Variants in C12orf50 observed in about 807,000 individuals in gnomAD.
C12orf50 encodes uncharacterized protein C12orf50.
Under a neutral mutation model 61.6 loss-of-function variants are expected in C12orf50, and 35 were observed. That is an observed-to-expected ratio of 0.57 (90% CI 0.43 to 0.75). The LOEUF (loss-of-function observed/expected upper bound fraction) is 0.75. Ranked by LOEUF, C12orf50 falls within the 30% of genes least tolerant of loss-of-function variation. The pLI, the probability that C12orf50 is intolerant of heterozygous loss-of-function variation, is 0.00. For synonymous variants in C12orf50, 178 were observed against 161.5 expected, an observed-to-expected ratio of 1.10 and a Z score of -0.77; for missense variants, 475 against 488.5, an observed-to-expected ratio of 0.97 and a Z score of 0.26.
At position 87,986,760 on chromosome 12, in the gene C12orf50, A is replaced by G. The variant is rs377438085; in HGVS notation, c.818-344T>C. On this transcript the variant is annotated intron_variant, in intron 9 of 12. Transcript: ENST00000298699. ...AATGCTATTGTTAAATAGTTTTAGA[A>G]CTCTTATTTTCAACATGAATTTTTT... is the stretch of plus-strand genomic sequence containing the variant. 4.7e-4 allele frequency among the ~76,000 whole-genome samples: 71 copies of G among 152,114 alleles called. 1 individual carries two copies. In the South Asian group the frequency reaches 0.015, roughly 31 times the overall value.
In C12orf50 at chr12:87,991,470, C is replaced by T. The variant is rs376540578; in HGVS notation, c.593-2099G>A. 2.8e-3 allele frequency among the ~76,000 whole-genome samples: 428 copies of T among 151,962 alleles called. 3 individuals are homozygous for T. The highest frequency in any genetic ancestry group is 0.019 in the South Asian group (92 of 4,802). On this transcript the variant is annotated intron_variant, in intron 7 of 12. Coordinates refer to ENST00000298699, the MANE Select transcript of C12orf50 (RefSeq NM_152589.3). ...AAATAGAAATTTAGAATTTAAAATA[C>T]GGATTAAAGAGCAGAGAGGAAGAGA... is the stretch of plus-strand genomic sequence containing the variant.
At chr12:87,999,140 T>G (rs2031547372) in intron 3 of C12orf50, among the ~76,000 whole-genome samples, 1 of 152,186 alleles carries the variant, frequency 6.6e-6, no homozygotes, top group African/African-American at 2.4e-5. Context: ...TCCCAGATTT[T>G]GCTGGAAAGC....
chr12:87,989,513 CATTT>C, intron 7 of C12orf50, 142 bp from the exon 8 acceptor site: 1 of 575,462 alleles, frequency 1.7e-6, no homozygotes, highest in East Asian at 2.9e-5. Context: ...CATCTCCATA[CATTT>C]ATATGCTTAG....
chr12:87,980,451 A>G, intron 12 of C12orf50, 95 bp from the exon 13 acceptor site: 1 of 1,094,330 alleles, frequency 9.1e-7, no homozygotes, highest in South Asian at 1.3e-5. Context: ...GTAAATCTAA[A>G]GGCAAAGAAA....
Position 87,989,745 on chromosome 12 carries a change from A to G in C12orf50, c.593-374T>C, listed in dbSNP as rs1022044091. Among the ~76,000 whole-genome samples, 2 of 152,026 alleles carry G rather than the reference A, an allele frequency of 1.3e-5. 1 individual carries two copies. The highest frequency in any genetic ancestry group is 4.1e-4 in the South Asian group (2 of 4,826). ...TTTCCATATTTCCCCAAGAACTTCT[A>G]TTTTCCAGGATAAATATCCATAGTT... On this transcript the variant is annotated intron_variant, in intron 7 of 12. Transcript: ENST00000298699.
intron 1 of C12orf50, chr12:88,028,998 T>C: frequency 3.5e-6 from 3 of 853,500 alleles, no homozygotes; most frequent in Non-Finnish European, 4.6e-6. Context: ...TACAAGTTAT[T>C]GCCATATCTC....
Position 87,986,010 on chromosome 12 carries a change from G to A in C12orf50, c.966C>T (p.Arg322=), listed in dbSNP as rs1330504605. The change falls in exon 11 of 13, where the codon CGC becomes CGT. Residue 322 remains arginine, a synonymous_variant. Coordinates refer to ENST00000298699, the MANE Select transcript of C12orf50 (RefSeq NM_152589.3). ...PRPQNKMSYH[R]NNKNRNAENA... is the part of the protein sequence containing the mutation. The stretch of plus-strand genomic sequence containing the variant: ...TCTCCGCATTTCGATTTTTATTATT[G>A]CGGTGATAACTCATTTTATTTTGGG... The A allele has an allele frequency of 6.2e-7, 1 of 1,613,808 alleles. No individual in the cohort carries two copies. The highest frequency in any genetic ancestry group is 1.1e-5 in the South Asian group (1 of 91,078).
At chr12:88,015,116 G>A (rs1410402927) in intron 3 of C12orf50, among the ~76,000 whole-genome samples, 2 of 151,872 alleles carry the variant, frequency 1.3e-5, no homozygotes, top group South Asian at 2.1e-4. Context: ...GATGTGCTAT[G>A]GCATTTTCTT....
chr12:88,012,782 G>A (rs541730874), intron 3 of C12orf50, among the ~76,000 whole-genome samples: 3 of 152,234 alleles, frequency 2.0e-5, no homozygotes, highest in African/African-American at 7.2e-5. Context: ...ATATGACATG[G>A]GGAAGGGTGC....
At chr12:87,991,008 A>G (rs1221907280) in intron 7 of C12orf50, among the ~76,000 whole-genome samples, 1 of 152,122 alleles carries the variant, frequency 6.6e-6, no homozygotes, top group Non-Finnish European at 1.5e-5. Context: ...GAGTAGAGGT[A>G]TCTTGGTGAA....
At chr12:88,018,680 C>T (rs748518414) in intron 3 of C12orf50, among the ~76,000 whole-genome samples, 19 of 152,206 alleles carry the variant, frequency 1.2e-4, no homozygotes, top group Non-Finnish European at 2.5e-4. Flanking sequence ...CCTGCAAAGC[C>T]ACAGGGGCAG....
intron 3 of C12orf50, among the ~76,000 whole-genome samples, chr12:88,017,737 G>C (rs1355401159): frequency 6.6e-6 from 1 of 152,220 alleles, no homozygotes; most frequent in Admixed American, 6.5e-5. Flanking sequence ...TTCTCAGTTA[G>C]AGATGAGGAA....
intron 4 of C12orf50, among the ~76,000 whole-genome samples, chr12:87,996,881 T>C (rs903641539): frequency 2.0e-5 from 3 of 152,212 alleles, no homozygotes; most frequent in Non-Finnish European, 4.4e-5. Flanking sequence ...AATGAGACGC[T>C]GAATGTACAG....
chr12:88,026,703 A>C lies in C12orf50; in HGVS notation c.13-95T>G, dbSNP rs1021846578. On this transcript the variant is annotated intron_variant, in intron 2 of 12. Transcript: ENST00000298699. Reference sequence around the variant, plus strand: ...AATACAGCACAAGGACACAAAAACAATTATAGTTAACTGATTTAGGATCAT... The same window carrying C: ...AATACAGCACAAGGACACAAAAACACTTATAGTTAACTGATTTAGGATCAT... The C allele has an allele frequency of 2.7e-6, 4 of 1,470,154 alleles. No individual in the cohort carries two copies. The South Asian group carries it at 5.2e-5, about 19-fold the overall frequency. The allele number at this position is 1,470,154 out of a possible 1,614,324, so 91.1% of individuals were successfully genotyped here. A position where few individuals can be genotyped will look rare whatever the true frequency, so the allele number is the denominator to read the frequency against.
At chr12:88,002,075 T>C (rs2031676636) in intron 3 of C12orf50, among the ~76,000 whole-genome samples, 1 of 151,830 alleles carries the variant, frequency 6.6e-6, no homozygotes, top group Non-Finnish European at 1.5e-5. Flanking sequence ...TCCAGTGTCT[T>C]AAGGTATAAG....
intron 3 of C12orf50, among the ~76,000 whole-genome samples, chr12:88,015,234 AGTGT>A: frequency 6.6e-6 from 1 of 152,306 alleles, no homozygotes; most frequent in East Asian, 1.9e-4. Flanking sequence ...CACAAAAATT[AGTGT>A]GTGTGTACTG....
chr12:87,989,309 T>G lies in C12orf50; in HGVS notation c.655A>C (p.Thr219Pro). The change falls in exon 8 of 13, where the codon ACT (threonine) becomes CCT (proline). Residue 219 changes from threonine to proline, a missense_variant. Physicochemically the swap from Thr to Pro is conservative, Grantham distance 38. Coordinates refer to ENST00000298699, the MANE Select transcript of C12orf50 (RefSeq NM_152589.3). Reference protein sequence around the residue: ...FLGVDESEALTEEKEITISKC... With the variant: ...FLGVDESEALPEEKEITISKC... Reference sequence around the variant, plus strand: ...GATATGGTGATTTCTTTCTCTTCAGTTAAAGCTTCACTTTCATCGACTCCA... The same window carrying G: ...GATATGGTGATTTCTTTCTCTTCAGGTAAAGCTTCACTTTCATCGACTCCA... The G allele has an allele frequency of 6.2e-7, 1 of 1,611,844 alleles. No individual in the cohort carries two copies. Among genetic ancestry groups the G allele is most frequent in the African/African-American group, 1.3e-5 (1 of 74,964 alleles).
chr12:87,982,974 G>C, intron 12 of C12orf50, 129 bp downstream of exon 12: 1 of 454,560 alleles, frequency 2.2e-6, no homozygotes. Context: ...TAAACTCCAA[G>C]TAATTAAGTG....
At chr12:87,988,917 G>A (rs529445012) in intron 8 of C12orf50, among the ~76,000 whole-genome samples, 88 of 152,158 alleles carry the variant, frequency 5.8e-4, no homozygotes, top group Non-Finnish European at 9.4e-4. Context: ...GTCTTTTTGA[G>A]ATTAAACTCT....
Sources: gnomAD v4.1 joint callset for allele counts (sites outside exome capture counted in the v4.1 genomes callset) on GRCh38, gnomAD v4.1.1 for gene constraint, MANE v1.5 for transcripts, NCBI Gene and HGNC (gene_info 2026-07-23, HGNC 2026-07-21) for gene names.